The following CR2 variants were observed in gnomAD, a reference collection of about 807,000 sequenced individuals.
CR2 encodes complement receptor type 2.
CR2 carries 96 observed loss-of-function variants against 123.0 expected under a neutral mutation model. The observed-to-expected ratio is 0.78, with a 90% confidence interval of 0.66 to 0.93. The LOEUF (loss-of-function observed/expected upper bound fraction) is 0.93, where lower values mean the gene tolerates loss of function less well. Ranked by LOEUF, CR2 falls within the 40% of genes least tolerant of loss-of-function variation. The probability of loss-of-function intolerance (pLI) is 0.00; values close to 1 mark genes in which losing one functional copy is unlikely to be tolerated. For synonymous variants in CR2, 484 were observed against 469.5 expected (o/e 1.03, Z -0.40); for missense variants, 1,258 against 1,361.0 (o/e 0.92, Z 1.19).
Position 207,475,309 on chromosome 1 carries a change from G to A in CR2, c.2716+93G>A, listed in dbSNP as rs1658407118. 6.0e-6 allele frequency: 8 copies of A among 1,343,294 alleles called. No homozygotes were observed. In the Admixed American group the frequency reaches 6.1e-5, roughly 10 times the overall value. The allele number at this position is 1,343,294 out of a possible 1,614,324, so 83.2% of individuals were successfully genotyped here. On this transcript the variant is annotated intron_variant, in intron 14 of 19. Coordinates refer to ENST00000367057, the MANE Select transcript of CR2 (RefSeq NM_001006658.3). ...CACTTGACATTCTGCCTAAAGAAAA[G>A]CATCTAAGAGCTAAGGCAGTTATAT...
intron 1 of CR2, among the ~76,000 whole-genome samples, chr1:207,464,882 T>C (rs909059457): frequency 3.3e-5 from 5 of 152,134 alleles, no homozygotes; most frequent in Non-Finnish European, 1.5e-5. Flanking sequence ...GTATATGTGG[T>C]TGAGTTTTCT....
chr1:207,464,162 C>T (rs751870144), intron 1 of CR2, among the ~76,000 whole-genome samples: 8 of 152,114 alleles, frequency 5.3e-5, no homozygotes, highest in African/African-American at 1.4e-4. Context: ...TGGTCTGGGG[C>T]GGGGACTGGT....
chr1:207,489,373 C>G lies in CR2; in HGVS notation c.*250C>G, dbSNP rs2102318090. On this transcript the variant is annotated 3_prime_UTR_variant, in exon 20 of 20. Transcript: ENST00000367057. ...GCCTCACTTATGAGATGCCTGAAGCCAGGCCATGGCTATAAACAATTACAT... is the reference window on the plus strand; with the variant it reads ...GCCTCACTTATGAGATGCCTGAAGCGAGGCCATGGCTATAAACAATTACAT... The G allele has an allele frequency of 6.6e-6, 1 of 152,300 alleles. No homozygotes were observed. The highest frequency in any genetic ancestry group is 1.9e-4 in the East Asian group (1 of 5,188). 9.4% of individuals were successfully genotyped at this position (152,300 alleles called of 1,614,324 possible). A position where few individuals can be genotyped will look rare whatever the true frequency, so the allele number is the denominator to read the frequency against.
intron 13 of CR2, 85 bp downstream of exon 13, chr1:207,474,408 C>A: frequency 9.7e-7 from 1 of 1,026,278 alleles, no homozygotes; most frequent in Non-Finnish European, 1.5e-6. Flanking sequence ...ACTGCTGCTT[C>A]AGCAGTCTTA....
intron 4 of CR2, 104 bp downstream of exon 4, chr1:207,469,003 G>A: frequency 7.1e-7 from 1 of 1,414,266 alleles, no homozygotes; most frequent in Non-Finnish European, 1.0e-6. Context: ...TCTCTGGGCA[G>A]TCTGGGGTAG....
At chr1:207,488,568 G>A (rs1430182249) in intron 19 of CR2, among the ~76,000 whole-genome samples, 2 of 152,212 alleles carry the variant, frequency 1.3e-5, no homozygotes, top group African/African-American at 4.8e-5. Context: ...AGGTTGCAGT[G>A]AGCTGAGATC....
At position 207,485,496 on chromosome 1, in the gene CR2, CT is replaced by C. The variant is rs748905791; in HGVS notation, c.3225del (p.His1076IlefsTer2). On this transcript the variant is annotated frameshift_variant, in exon 19 of 20. Transcript: ENST00000367057. LOFTEE classifies it high-confidence loss of function. ...NYYTDTSQKE[A>X]FHLEAREVYS... is the part of the protein sequence containing the mutation. ...TATACAGATACAAGCCAGAAAGAAG[CT>C]TTTCATTTAGAAGCACGAGAAGTAT... 6.2e-7 allele frequency: 1 copy of C among 1,613,012 alleles called. No homozygotes were observed. The highest frequency in any genetic ancestry group is 8.5e-7 in the Non-Finnish European group (1 of 1,179,052).
At position 207,474,229 on chromosome 1, in the gene CR2, G is replaced by T; in HGVS notation, c.2241-12G>T. The T allele has an allele frequency of 6.3e-7, 1 of 1,591,836 alleles. No individual in the cohort carries two copies. The highest frequency in any genetic ancestry group is 8.6e-7 in the Non-Finnish European group (1 of 1,159,926). The stretch of plus-strand genomic sequence containing the variant: ...GGGAACAGGAAATGCATTATAATCT[G>T]TCTCTCTGTAGGTACCAGTTGACTG... On this transcript the variant is annotated splice_polypyrimidine_tract_variant and intron_variant, in intron 12 of 19. Transcript: ENST00000367057.
intron 1 of CR2, among the ~76,000 whole-genome samples, chr1:207,464,627 A>G (rs1658049206): frequency 6.6e-6 from 1 of 152,230 alleles, no homozygotes; most frequent in Non-Finnish European, 1.5e-5. Flanking sequence ...TAGAAGTTGA[A>G]AATGGAGTTG....
intron 8 of CR2, 90 bp downstream of exon 8, chr1:207,471,177 C>A: frequency 7.7e-7 from 1 of 1,295,354 alleles, no homozygotes; most frequent in Non-Finnish European, 1.1e-6. Context: ...GTACACCCTG[C>A]AAGCTCTATG....
At chr1:207,464,694 T>C (rs1161247776) in intron 1 of CR2, among the ~76,000 whole-genome samples, 1 of 152,202 alleles carries the variant, frequency 6.6e-6, no homozygotes, top group Non-Finnish European at 1.5e-5. Context: ...AAGTGTAAGC[T>C]TGGTTTTACC....
Position 207,468,470 on chromosome 1 carries a change from AG to A in CR2, c.446-56del. The A allele has an allele frequency of 2.5e-6, 4 of 1,570,412 alleles. No homozygotes were observed. In the South Asian group the frequency reaches 4.5e-5, roughly 17 times the overall value. ...CAAAAGATTGGACCCCCTTGATTCT[AG>A]ATTGTGAAGGATGCATCATCTGACG... On this transcript the variant is annotated intron_variant, in intron 2 of 19. Coordinates refer to ENST00000367057, the MANE Select transcript of CR2 (RefSeq NM_001006658.3).
chr1:207,478,050 C>T lies in CR2; in HGVS notation c.3068C>T (p.Pro1023Leu), dbSNP rs148092679. ...CAATCGGATCACCAATGGAACCCTC[C>T]CCTGGCGGTTTGCAGATCCCGTAAG... The part of the protein sequence containing the change: ...QCQSDHQWNP[P>L]LAVCRSRSLA... Residue 1023 changes from proline (P) to leucine (L), a missense_variant, in exon 16 of 20, where the codon CCC (proline) becomes CTC (leucine). By Grantham distance (98) the Pro-to-Leu change is moderately conservative. Transcript: ENST00000367057. 1 of 1,613,860 alleles carries T rather than the reference C, an allele frequency of 6.2e-7. No individual in the cohort carries two copies. Among genetic ancestry groups the T allele is most frequent in the Non-Finnish European group, 8.5e-7 (1 of 1,179,916 alleles).
rs920457909 is a variant in CR2, at chr1:207,479,195, G to A, written c.3089-62G>A. On this transcript the variant is annotated intron_variant, in intron 16 of 19. Coordinates refer to ENST00000367057, the MANE Select transcript of CR2 (RefSeq NM_001006658.3). ...TTCTGGGACATTACCATGAAACGTG[G>A]GGCTACATTGAATTATGACACTATA... 4.0e-6 allele frequency: 5 copies of A among 1,265,372 alleles called. No homozygotes were observed. The African/African-American group carries it at 7.4e-5, about 19-fold the overall frequency. The allele number at this position is 1,265,372 out of a possible 1,614,324, so 78.4% of individuals were successfully genotyped here.
intron 1 of CR2, among the ~76,000 whole-genome samples, chr1:207,456,945 A>C (rs1657848541): frequency 6.6e-6 from 1 of 152,024 alleles, no homozygotes; most frequent in African/African-American, 2.4e-5. Flanking sequence ...TCTTCCTACA[A>C]ATTATTCTTT....
intron 18 of CR2, 89 bp downstream of exon 18, chr1:207,480,142 G>A (rs1248402009): frequency 2.2e-5 from 21 of 955,478 alleles, no homozygotes; most frequent in Non-Finnish European, 3.4e-5. Context: ...CACAAGTTAT[G>A]TGAAATAAAT....
intron 17 of CR2, 86 bp from the exon 18 acceptor site, chr1:207,479,892 A>G: frequency 1.0e-6 from 1 of 954,706 alleles, no homozygotes; most frequent in South Asian, 1.3e-5. Context: ...CATTTTCCCC[A>G]CCACTAGCAA....
Position 207,474,844 on chromosome 1 carries a change from C to A in CR2, c.2344C>A (p.Pro782Thr), listed in dbSNP as rs1219834757. 6.2e-7 allele frequency: 1 copy of A among 1,613,858 alleles called. No individual in the cohort carries two copies. The highest frequency in any genetic ancestry group is 1.7e-5 in the Admixed American group (1 of 59,984). ...LCKVIHCHPP[P>T]VIVNGKHTGM... ...TGCAGTTATTCACTGTCACCCTCCA[C>A]CAGTGATTGTCAATGGGAAGCACAC... is the stretch of plus-strand genomic sequence containing the variant. Residue 782 changes from proline (P) to threonine (T), a missense_variant, in exon 14 of 20, where the codon CCA becomes ACA. By Grantham distance (38) the Pro-to-Thr change is conservative. Coordinates refer to ENST00000367057, the MANE Select transcript of CR2 (RefSeq NM_001006658.3).
chr1:207,470,976 C>T (rs368563787), intron 7 of CR2, 21 bp from the exon 8 acceptor site: 2 of 1,613,812 alleles, frequency 1.2e-6, no homozygotes, highest in Non-Finnish European at 1.7e-6. Context: ...ATTAAATTCT[C>T]ATCCTAGTCT....
Sources: allele counts gnomAD v4.1 joint callset (sites outside exome capture counted in the v4.1 genomes callset), GRCh38; gene constraint gnomAD v4.1.1; transcripts MANE v1.5; gene names NCBI Gene and HGNC (gene_info 2026-07-23, HGNC 2026-07-21).